Variants in TTN observed in about 807,000 individuals in gnomAD.
TTN encodes the protein titin.
A neutral mutation model predicts 3,223.0 loss-of-function variants in TTN; 1,525 were observed. That is an observed-to-expected ratio of 0.47 (90% CI 0.45 to 0.49). The LOEUF (loss-of-function observed/expected upper bound fraction) is 0.49. TTN is among the 20% of genes least tolerant of loss of function. The pLI is 0.00. For synonymous variants in TTN, 14,094 were observed against 15,161.0 expected, an observed-to-expected ratio of 0.93 and a Z score of 5.17; for missense variants, 40,786 against 43,424.0, an observed-to-expected ratio of 0.94 and a Z score of 5.40.
chr2:178,789,249 A>G (rs2093363504), intron 13 of TTN, 111 bp downstream of exon 13: 2 of 1,467,654 alleles, frequency 1.4e-6, no homozygotes, highest in East Asian at 2.3e-5. Flanking sequence ...TGACTCATAC[A>G]TAAGAAATTC....
intron 205 of TTN, 27 bp from the exon 206 acceptor site, chr2:178,651,776 A>T (rs2063024635): frequency 6.2e-7 from 1 of 1,610,512 alleles, no homozygotes; most frequent in African/African-American, 1.3e-5. Flanking sequence ...TATGTTTTAG[A>T]AAGAACGAAG....
At chr2:178,705,563 T>A (rs2075729097) in intron 102 of TTN, among the ~76,000 whole-genome samples, 1 of 152,220 alleles carries the variant, frequency 6.6e-6, no homozygotes, top group South Asian at 2.1e-4. Context: ...TTAGGACCAT[T>A]GTAATAAAAT....
At position 178,756,275 on chromosome 2, in the gene TTN, A is replaced by G. The variant is rs1488086911; in HGVS notation, c.11201T>C (p.Val3734Ala). 1 of 1,613,898 alleles carries G rather than the reference A, an allele frequency of 6.2e-7. No homozygotes were observed. The change falls in exon 46 of 363, where the codon GTA (valine) becomes GCA (alanine). Residue 3734 changes from valine to alanine, a missense_variant. Physicochemically the swap from Val to Ala is moderately conservative, Grantham distance 64 (BLOSUM62 0). Coordinates refer to ENST00000589042, the MANE Select transcript of TTN (RefSeq NM_001267550.2). ...TGTCCTCTCTCCACAGTCATTGTGT[A>G]CAATGCAGCTGTATAGTCCTTGGTC... ...LVDQGLYSCI[V>A]HNDCGERTTS...
At chr2:178,603,626 A>G (rs1205060350) in intron 282 of TTN, among the ~76,000 whole-genome samples, 2 of 152,038 alleles carry the variant, frequency 1.3e-5, no homozygotes, top group Admixed American at 1.3e-4. Context: ...GTGATTCCTC[A>G]TAAAATATTT....
intron 47 of TTN, chr2:178,745,085 T>TTCTA (rs1215286150): frequency 1.0e-6 from 1 of 987,980 alleles, no homozygotes; most frequent in Non-Finnish European, 1.2e-6. Context: ...GTTTTGCCTA[T>TTCTA]TCTAAGTCAA....
At chr2:178,801,789 C>T (rs2094078551) in intron 3 of TTN, among the ~76,000 whole-genome samples, 1 of 152,168 alleles carries the variant, frequency 6.6e-6, no homozygotes, top group Non-Finnish European at 1.5e-5. Flanking sequence ...CCTGGAGATT[C>T]ACACTTCCCT....
chr2:178,611,309 T>C (rs2056278377), intron 269 of TTN, 38 bp from the exon 270 acceptor site: 2 of 1,610,730 alleles, frequency 1.2e-6, no homozygotes, highest in Non-Finnish European at 1.7e-6. Flanking sequence ...AAACAGAGTA[T>C]GTCAAAATGC....
In TTN at chr2:178,561,381, C is replaced by T; in HGVS notation, c.84751G>A (p.Asp28251Asn). 1 of 1,613,792 alleles carries T rather than the reference C, an allele frequency of 6.2e-7. No homozygotes were observed. The highest frequency in any genetic ancestry group is 8.5e-7 in the Non-Finnish European group (1 of 1,179,794). The change falls in exon 326 of 363, where the codon GAT becomes AAT. Residue 28251 changes from aspartate (D) to asparagine (N), a missense_variant. Coordinates refer to ENST00000589042, the MANE Select transcript of TTN (RefSeq NM_001267550.2). ...SKSCEPVPAR[D>N]PCDPPGQPEV... is the part of the protein sequence containing the mutation. ...GGTTGTCCAGGAGGGTCACAAGGAT[C>T]TCTTGCAGGGACTGGTTCACAAGAT...
chr2:178,601,822 A>AATG, intron 285 of TTN, 35 bp from the exon 286 acceptor site: 1 of 1,603,816 alleles, frequency 6.2e-7, no homozygotes, highest in Middle Eastern at 1.7e-4. Context: ...ACATTGAATG[A>AATG]AATCATAGCA....
At chr2:178,639,873 T>A in intron 222 of TTN, 85 bp from the exon 223 acceptor site, 1 of 1,461,652 alleles carries the variant, frequency 6.8e-7, no homozygotes, top group Non-Finnish European at 9.3e-7. Context: ...TCTTCTGATA[T>A]AATTTTGAAA....
intron 336 of TTN, 29 bp from the exon 337 acceptor site, chr2:178,550,302 T>C (rs1698852453): frequency 6.4e-7 from 1 of 1,562,824 alleles, no homozygotes; most frequent in African/African-American, 1.4e-5. Context: ...TACTATGTAT[T>C]AGTTTGGCTT....
intron 47 of TTN, chr2:178,751,327 T>G: frequency 6.2e-7 from 1 of 1,610,184 alleles, no homozygotes; most frequent in Non-Finnish European, 8.5e-7. Flanking sequence ...CCAGGAAACT[T>G]TCACCTACAT....
intron 6 of TTN, among the ~76,000 whole-genome samples, chr2:178,796,618 T>G (rs1345734654): frequency 1.3e-5 from 2 of 152,276 alleles, no homozygotes; most frequent in African/African-American, 4.8e-5. Flanking sequence ...AAAACCAAGT[T>G]AGAATAATGT....
In TTN at chr2:178,562,896, G is replaced by C. The variant is rs1018294368; in HGVS notation, c.83236C>G (p.Leu27746Val). The C allele has an allele frequency of 6.2e-7, 1 of 1,613,316 alleles. No individual in the cohort carries two copies. Among genetic ancestry groups the C allele is most frequent in the Non-Finnish European group, 8.5e-7 (1 of 1,179,702 alleles). Reference sequence around the variant, plus strand: ...GAGCCACTATTATTTTCTAATGTCAGATTATACCGACCACTGTCAAATCTG... The same window carrying C: ...GAGCCACTATTATTTTCTAATGTCACATTATACCGACCACTGTCAAATCTG... ...VTRFDSGRYN[L>V]TLENNSGSKT... The change falls in exon 326 of 363, where the codon CTG becomes GTG. Residue 27746 changes from leucine (L) to valine (V), a missense_variant. Coordinates refer to ENST00000589042, the MANE Select transcript of TTN (RefSeq NM_001267550.2).
In TTN at chr2:178,537,739, G is replaced by A. The variant is rs1030185389; in HGVS notation, c.99468C>T (p.His33156=). 2 of 1,613,670 alleles carry A rather than the reference G, an allele frequency of 1.2e-6. No individual in the cohort carries two copies. The highest frequency in any genetic ancestry group is 1.7e-6 in the Non-Finnish European group (2 of 1,179,778). ...KYKMSSDGRT[H]TLTVMTEEQE... ...GTTCCTCTGTCATTACTGTAAGAGTGTGTGTGCGTCCATCTGAAGACATTT... is the reference window on the plus strand; with the variant it reads ...GTTCCTCTGTCATTACTGTAAGAGTATGTGTGCGTCCATCTGAAGACATTT... Residue 33156 remains histidine, a synonymous_variant, in exon 355 of 363, where the codon CAC becomes CAT. Transcript: ENST00000589042.
At chr2:178,715,404 A>G (rs2077336850) in intron 89 of TTN, 89 bp downstream of exon 89, 9 of 1,524,780 alleles carry the variant, frequency 5.9e-6, no homozygotes, top group African/African-American at 1.4e-5. Context: ...CCCTATTTTA[A>G]AACATCGTTG....
intron 75 of TTN, 33 bp downstream of exon 75, chr2:178,723,013 G>A (rs1200367220): frequency 1.2e-6 from 2 of 1,604,666 alleles, no homozygotes; most frequent in Non-Finnish European, 1.7e-6. Context: ...TTAGAAGAAT[G>A]CAAATGATTT....
intron 44 of TTN, 84 bp downstream of exon 44, chr2:178,758,900 A>T: frequency 7.5e-7 from 1 of 1,341,486 alleles, no homozygotes; most frequent in Non-Finnish European, 1.1e-6. Context: ...ACAATGATTT[A>T]CATGAACTCT....
intron 8 of TTN, 37 bp downstream of exon 8, chr2:178,794,362 T>A (rs2093662045): frequency 3.1e-6 from 5 of 1,613,380 alleles, no homozygotes; most frequent in Non-Finnish European, 4.2e-6. Context: ...CTGAAGGACG[T>A]GGCTCTGCGG....
Sources: allele counts gnomAD v4.1 joint callset (sites outside exome capture counted in the v4.1 genomes callset), GRCh38; gene constraint gnomAD v4.1.1; transcripts MANE v1.5; gene names NCBI Gene and HGNC (gene_info 2026-07-23, HGNC 2026-07-21).